The following RPGRIP1L variants were observed in gnomAD, a reference collection of about 807,000 sequenced individuals.
RPGRIP1L encodes the protein RPGRIP1 like.
A neutral mutation model predicts 160.4 loss-of-function variants in RPGRIP1L; 131 were observed. The ratio of observed to expected loss-of-function variants is 0.82; its 90% confidence interval spans 0.71 to 0.94. The LOEUF is 0.94. Ranked by LOEUF, RPGRIP1L falls within the 40% of genes least tolerant of loss-of-function variation. The probability of loss-of-function intolerance (pLI) is 0.00; values close to 1 mark genes in which losing one functional copy is unlikely to be tolerated. For missense variants in RPGRIP1L, 1,522 were observed against 1,535.8 expected, an observed-to-expected ratio of 0.99 and a Z score of 0.15; for synonymous variants, 510 against 515.8, an observed-to-expected ratio of 0.99 and a Z score of 0.15.
chr16:53,692,436 T>C, intron 3 of RPGRIP1L, 72 bp from the exon 4 acceptor site: 1 of 1,419,528 alleles, frequency 7.0e-7, no homozygotes, highest in Non-Finnish European at 9.9e-7. Flanking sequence ...GAAAGGAACA[T>C]AATCACTGTG....
intron 9 of RPGRIP1L, among the ~76,000 whole-genome samples, chr16:53,666,659 C>T (rs1318117278): frequency 6.8e-6 from 1 of 146,054 alleles, no homozygotes; most frequent in Admixed American, 6.7e-5. Flanking sequence ...ACATGTACCA[C>T]CCGGAAAAAA....
At chr16:53,606,131 A>G (rs761323134) in intron 25 of RPGRIP1L, among the ~76,000 whole-genome samples, 1 of 152,250 alleles carries the variant, frequency 6.6e-6, no homozygotes, top group Non-Finnish European at 1.5e-5. Flanking sequence ...CATGTTAGAT[A>G]AATGTTGTAA....
chr16:53,683,587 G>C (rs1969763312), intron 6 of RPGRIP1L, among the ~76,000 whole-genome samples: 1 of 151,624 alleles, frequency 6.6e-6, no homozygotes, highest in Admixed American at 6.6e-5. Context: ...AAATGTGAGG[G>C]GATAGATGAA....
At chr16:53,649,446 A>G (rs1300489452) in intron 15 of RPGRIP1L, among the ~76,000 whole-genome samples, 1 of 152,194 alleles carries the variant, frequency 6.6e-6, no homozygotes, top group Non-Finnish European at 1.5e-5. Context: ...TTTTGATGCT[A>G]TAGTATAATA....
intron 24 of RPGRIP1L, 34 bp from the exon 25 acceptor site, chr16:53,611,085 A>G (rs1446725279): frequency 6.9e-7 from 1 of 1,450,634 alleles, no homozygotes; most frequent in Non-Finnish European, 9.7e-7. Flanking sequence ...CCAAAAAGGA[A>G]GTCACTCAGG....
chr16:53,636,968 A>G (rs1179314023), intron 21 of RPGRIP1L, among the ~76,000 whole-genome samples: 2 of 151,350 alleles, frequency 1.3e-5, no homozygotes, highest in African/African-American at 4.9e-5. Flanking sequence ...ACACACACAC[A>G]CACACACACA....
At position 53,641,356 on chromosome 16, in the gene RPGRIP1L, A is replaced by G. The variant is rs1274851334; in HGVS notation, c.2803T>C (p.Phe935Leu). 3.7e-6 allele frequency: 6 copies of G among 1,613,980 alleles called. No individual in the cohort carries two copies. The highest frequency in any genetic ancestry group is 5.1e-6 in the Non-Finnish European group (6 of 1,179,998). The change falls in exon 18 of 27, where the codon TTC becomes CTC. Residue 935 changes from phenylalanine (F) to leucine (L), a missense_variant. Coordinates refer to ENST00000647211, the MANE Select transcript of RPGRIP1L (RefSeq NM_015272.5). ...ACTTCTGGCTCTTCGCTGCGAATGA[A>G]ATTTCCTAAGTCTTCAGTTGTTATT... The part of the protein sequence containing the change: ...GSITTEDLGN[F>L]IRSEEPEVVQ...
At chr16:53,661,356 G>C (rs1967780694) in intron 10 of RPGRIP1L, among the ~76,000 whole-genome samples, 1 of 151,650 alleles carries the variant, frequency 6.6e-6, no homozygotes, top group Non-Finnish European at 1.5e-5. Flanking sequence ...GAAGGTATAG[G>C]TTAAATACTT....
At position 53,638,392 on chromosome 16, in the gene RPGRIP1L, T is replaced by G. The variant is rs745480425; in HGVS notation, c.2978A>C (p.Glu993Ala). Residue 993 changes from glutamate to alanine, a missense_variant, in exon 20 of 27, where the codon GAA (glutamate) becomes GCA (alanine). Glu to Ala is a moderately radical substitution (Grantham distance 107). Transcript: ENST00000647211. Reference sequence around the variant, plus strand: ...CTCTGGTGAAATTTCCTTCCTATCTTCAGGAGGAGGAGAAGTCTCCTTATA... The same window carrying G: ...CTCTGGTGAAATTTCCTTCCTATCTGCAGGAGGAGGAGAAGTCTCCTTATA... ...HQSDETSPPP[E>A]DRKEISPEVE... 2.5e-5 allele frequency: 39 copies of G among 1,575,064 alleles called. 1 individual carries two copies. The highest frequency in any genetic ancestry group is 3.3e-5 in the Admixed American group (2 of 59,832).
At chr16:53,677,769 G>A (rs1969298658) in intron 6 of RPGRIP1L, among the ~76,000 whole-genome samples, 1 of 152,132 alleles carries the variant, frequency 6.6e-6, no homozygotes, top group Non-Finnish European at 1.5e-5. Flanking sequence ...TGCTTGTGGA[G>A]CAAGGCCTCA....
At position 53,645,933 on chromosome 16, in the gene RPGRIP1L, A is replaced by T; in HGVS notation, c.2375T>A (p.Leu792His). Reference sequence around the variant, plus strand: ...GTTGCAACATCTTATTGTAATGTGAAGTTCATTTAAGTTGCCATCTGTGGA... The same window carrying T: ...GTTGCAACATCTTATTGTAATGTGATGTTCATTTAAGTTGCCATCTGTGGA... ...TDSTDGNLNE[L>H]HITIRCCNHL... The change falls in exon 17 of 27, where the codon CTT becomes CAT. Residue 792 changes from leucine to histidine, a missense_variant. Coordinates refer to ENST00000647211, the MANE Select transcript of RPGRIP1L (RefSeq NM_015272.5). The T allele has an allele frequency of 6.2e-7, 1 of 1,614,166 alleles. No individual in the cohort carries two copies. Among genetic ancestry groups the T allele is most frequent in the Non-Finnish European group, 8.5e-7 (1 of 1,180,022 alleles).
chr16:53,698,978 C>T (rs1971136618), intron 2 of RPGRIP1L, among the ~76,000 whole-genome samples: 1 of 152,080 alleles, frequency 6.6e-6, no homozygotes, highest in Admixed American at 6.5e-5. Flanking sequence ...ATTGAGAAAT[C>T]GGATGGTTGC....
chr16:53,667,860 G>A (rs1246787637), intron 9 of RPGRIP1L, among the ~76,000 whole-genome samples: 2 of 151,712 alleles, frequency 1.3e-5, no homozygotes, highest in African/African-American at 4.8e-5. Flanking sequence ...GTGACAGGGT[G>A]AGATTCTGTC....
intron 19 of RPGRIP1L, among the ~76,000 whole-genome samples, chr16:53,640,028 A>AT (rs1353791773): frequency 6.6e-6 from 1 of 152,190 alleles, no homozygotes; most frequent in East Asian, 1.9e-4. Context: ...AAGAAGATAT[A>AT]TTTTCTAAAA....
At chr16:53,662,004 G>C (rs867296983) in intron 10 of RPGRIP1L, among the ~76,000 whole-genome samples, 7 of 152,032 alleles carry the variant, frequency 4.6e-5, no homozygotes, top group Middle Eastern at 3.2e-3. Context: ...GTTCAAAGAG[G>C]AAATATACTT....
rs1263265387 is a variant in RPGRIP1L, at chr16:53,658,876, G to T, written c.1246C>A (p.Gln416Lys). ...ILDRLKTERD[Q>K]NEKLVQENRE... ...TTCTCTTGAACGAGTTTTTCATTTT[G>T]ATCTTAAAAATAAAGTCCACACAAT... Residue 416 changes from glutamine (Q) to lysine (K), a missense_variant and splice_region_variant, in exon 11 of 27, where the codon CAA becomes AAA. Transcript: ENST00000647211. 4 of 1,574,208 alleles carry T rather than the reference G, an allele frequency of 2.5e-6. No homozygotes were observed. Among genetic ancestry groups the T allele is most frequent in the Non-Finnish European group, 3.5e-6 (4 of 1,149,308 alleles).
At chr16:53,675,356 G>T (rs1401671934) in intron 6 of RPGRIP1L, among the ~76,000 whole-genome samples, 4 of 151,978 alleles carry the variant, frequency 2.6e-5, no homozygotes, top group Non-Finnish European at 5.9e-5. Flanking sequence ...AGTTTGAAGG[G>T]AGCCCCCAAA....
In RPGRIP1L at chr16:53,637,710, CCT is replaced by C. The variant is rs1474928732; in HGVS notation, c.3203_3204del (p.Glu1068GlyfsTer7). ...AGAAAGTCACCTTCTGGTTCCAAGT[CCT>C]CTGTTATTTCTGTTTCATCTTCAGA... ...ASSEDETEITEDLEPEVEEDM... is the reference protein window; with the variant it reads ...ASSEDETEITXDLEPEVEEDM... On this transcript the variant is annotated frameshift_variant, in exon 21 of 27. Transcript: ENST00000647211. LOFTEE classifies it high-confidence loss of function. 2 of 1,609,782 alleles carry C rather than the reference CCT, an allele frequency of 1.2e-6. No individual in the cohort carries two copies. Among genetic ancestry groups the C allele is most frequent in the Non-Finnish European group, 1.7e-6 (2 of 1,179,722 alleles).
At chr16:53,677,271 T>C (rs1362433975) in intron 6 of RPGRIP1L, among the ~76,000 whole-genome samples, 1 of 152,194 alleles carries the variant, frequency 6.6e-6, no homozygotes, top group Non-Finnish European at 1.5e-5. Flanking sequence ...ACAGCAGTAA[T>C]GTACTTTAAA....
Sources: allele counts gnomAD v4.1 joint callset (sites outside exome capture counted in the v4.1 genomes callset), GRCh38; gene constraint gnomAD v4.1.1; transcripts MANE v1.5; gene names NCBI Gene and HGNC (gene_info 2026-07-23, HGNC 2026-07-21).